The following KLHL8 variants were observed in gnomAD, a reference collection of about 807,000 sequenced individuals.
KLHL8 encodes kelch-like protein 8.
In KLHL8, 38 loss-of-function variants were observed where a neutral mutation model predicts 63.5. The observed-to-expected ratio is 0.60, with a 90% CI of 0.46 to 0.78. The LOEUF is 0.78. Ranked by LOEUF, KLHL8 falls within the 30% of genes least tolerant of loss-of-function variation. KLHL8 has a pLI of 0.00. For synonymous variants in KLHL8, 224 were observed against 254.3 expected, an observed-to-expected ratio of 0.88 and a Z score of 1.13; for missense variants, 566 against 752.4, an observed-to-expected ratio of 0.75 and a Z score of 2.90.
chr4:87,180,517 T>C (rs1165155993), intron 4 of KLHL8, among the ~76,000 whole-genome samples: 1 of 152,242 alleles, frequency 6.6e-6, no homozygotes, highest in African/African-American at 2.4e-5. Context: ...AAAGTACCTG[T>C]TAAGACTTTA....
intron 3 of KLHL8, among the ~76,000 whole-genome samples, chr4:87,184,622 TGGAGGAAG>T (rs1731181339): frequency 6.7e-6 from 1 of 149,688 alleles, no homozygotes; most frequent in Non-Finnish European, 1.5e-5. Context: ...AAGGAAAAAA[TGGAGGAAG>T]GGAAGGAGGG....
In KLHL8 at chr4:87,160,757, A is replaced by G. The variant is rs1027159018; in HGVS notation, c.*2762T>C. On this transcript the variant is annotated 3_prime_UTR_variant, in exon 10 of 10. Coordinates refer to ENST00000273963, the MANE Select transcript of KLHL8 (RefSeq NM_020803.5). Reference sequence around the variant, plus strand: ...AAGCACCTAGAAATATTTATTGAAGAAATAATAAACAAATTTTCATGATTT... The same window carrying G: ...AAGCACCTAGAAATATTTATTGAAGGAATAATAAACAAATTTTCATGATTT... 9 of 152,240 alleles carry G rather than the reference A, an allele frequency of 5.9e-5. No individual in the cohort carries two copies. The highest frequency in any genetic ancestry group is 2.2e-4 in the African/African-American group (9 of 41,464). 9.4% of individuals were successfully genotyped at this position (152,240 alleles called of 1,614,324 possible).
upstream of KLHL8, among the ~76,000 whole-genome samples, chr4:87,225,156 C>T (rs1304675785): frequency 1.3e-5 from 2 of 152,042 alleles, no homozygotes; most frequent in African/African-American, 4.8e-5. Context: ...CCTTCTACCC[C>T]TTTGCCTGGT....
At chr4:87,174,313 T>C (rs950141436) in intron 6 of KLHL8, among the ~76,000 whole-genome samples, 3 of 151,808 alleles carry the variant, frequency 2.0e-5, no homozygotes, top group African/African-American at 7.3e-5. Context: ...AATTTTGCTC[T>C]TGTCATCCAG....
chr4:87,233,745 GT>G (rs1365986634), intron 1 of KLHL8, among the ~76,000 whole-genome samples: 1 of 151,882 alleles, frequency 6.6e-6, no homozygotes, highest in Non-Finnish European at 1.5e-5. Context: ...GTCTGCCTAG[GT>G]TTTTTATAAA....
At chr4:87,201,380 A>C (rs990141107) in intron 1 of KLHL8, among the ~76,000 whole-genome samples, 2 of 152,244 alleles carry the variant, frequency 1.3e-5, no homozygotes, top group African/African-American at 4.8e-5. Context: ...AATCTTCAAA[A>C]TACACAAAGC....
At chr4:87,229,712 G>A (rs117516085) in intron 1 of KLHL8, among the ~76,000 whole-genome samples, 1,996 of 151,230 alleles carry the variant, frequency 0.013, 42 homozygotes, top group East Asian at 0.079. Flanking sequence ...AATTACAAGC[G>A]TGAGCCACTG....
At chr4:87,186,329 T>G (rs1040576382) in intron 2 of KLHL8, among the ~76,000 whole-genome samples, 1 of 152,068 alleles carries the variant, frequency 6.6e-6, no homozygotes, top group South Asian at 2.1e-4. Context: ...ATTACCAGTG[T>G]GAGCCACCAC....
rs750189538 is a variant in KLHL8, at chr4:87,195,401, T to C, written c.139A>G (p.Asn47Asp). 4 of 1,613,838 alleles carry C rather than the reference T, an allele frequency of 2.5e-6. No homozygotes were observed. The highest frequency in any genetic ancestry group is 1.1e-5 in the South Asian group (1 of 91,070). ...CCATGAAAATCTTTCCAAGCTTCAT[T>C]TGCTTCAAAAATAAAGGAATCTTCT... ...DGEDSFIFEA[N>D]EAWKDFHGSL... Residue 47 changes from asparagine (N) to aspartate (D), a missense_variant, in exon 2 of 10, where the codon AAT becomes GAT. By Grantham distance (23) the Asn-to-Asp change is conservative. Coordinates refer to ENST00000273963, the MANE Select transcript of KLHL8 (RefSeq NM_020803.5).
At position 87,212,095 on chromosome 4, in the gene KLHL8, T is replaced by C. The variant is rs368717660; in HGVS notation, c.-152+8323A>G. 1.4e-3 allele frequency among the ~76,000 whole-genome samples: 208 copies of C among 152,236 alleles called. 5 individuals are homozygous for C. The South Asian group carries it at 0.038, about 28-fold the overall frequency. ...TAAAAATCCTTATTAATCAATGAAA[T>C]TAAATATTGCCAAAGACAAAAAATA... On this transcript the variant is annotated intron_variant, in intron 1 of 9. Transcript: ENST00000273963.
chr4:87,165,391 A>T (rs1578355423), intron 8 of KLHL8, among the ~76,000 whole-genome samples: 2 of 151,702 alleles, frequency 1.3e-5, no homozygotes, highest in East Asian at 1.9e-4. Flanking sequence ...GGGTTTTTTT[A>T]AATTTTTGTT....
chr4:87,198,171 C>T (rs1036405862), intron 1 of KLHL8, among the ~76,000 whole-genome samples: 1 of 151,866 alleles, frequency 6.6e-6, no homozygotes. Context: ...AATACAAAAA[C>T]CAGCCAGGCA....
chr4:87,225,875 A>G (rs936308420), intron 1 of KLHL8, among the ~76,000 whole-genome samples: 2 of 152,088 alleles, frequency 1.3e-5, no homozygotes, highest in African/African-American at 4.8e-5. Context: ...TTTCATTTTT[A>G]GCATTTTATT....
chr4:87,202,814 G>A (rs962920160), intron 1 of KLHL8, among the ~76,000 whole-genome samples: 5 of 152,154 alleles, frequency 3.3e-5, no homozygotes, highest in Admixed American at 6.5e-5. Flanking sequence ...CTTATTTCAT[G>A]AGAAAACCTA....
intron 1 of KLHL8, chr4:87,207,205 C>T: frequency 1.7e-6 from 1 of 572,086 alleles, no homozygotes; most frequent in Admixed American, 2.0e-5. Flanking sequence ...TCATTGACCT[C>T]AACTACATGG....
chr4:87,167,424 C>T (rs539776961), intron 8 of KLHL8: 2 of 472,906 alleles, frequency 4.2e-6, no homozygotes, highest in South Asian at 1.6e-5. Context: ...ATAAGGTGTT[C>T]TCCTACTCCA....
At chr4:87,178,686 A>G in intron 4 of KLHL8, 66 bp from the exon 5 acceptor site, 1 of 1,446,720 alleles carries the variant, frequency 6.9e-7, no homozygotes, top group Non-Finnish European at 9.1e-7. Context: ...TAGAAAGCCA[A>G]AACTTTGGAT....
chr4:87,221,883 G>C (rs1345377998), upstream of KLHL8, among the ~76,000 whole-genome samples: 1 of 152,114 alleles, frequency 6.6e-6, no homozygotes, highest in Non-Finnish European at 1.5e-5. Context: ...AGTAAGATGA[G>C]TTTTAAAGAA....
chr4:87,232,240 AT>A (rs1476580514), intron 1 of KLHL8, among the ~76,000 whole-genome samples: 1 of 152,106 alleles, frequency 6.6e-6, no homozygotes, highest in African/African-American at 2.4e-5. Flanking sequence ...CCCTATTTGC[AT>A]TTAGTTTGCA....
Sources: gnomAD v4.1 joint callset for allele counts (sites outside exome capture counted in the v4.1 genomes callset) on GRCh38, gnomAD v4.1.1 for gene constraint, MANE v1.5 for transcripts, NCBI Gene and HGNC (gene_info 2026-07-23, HGNC 2026-07-21) for gene names.